WDFY4: variants seen among roughly 807,000 people sequenced by gnomAD.
WDFY4 encodes the protein WD repeat- and FYVE domain-containing protein 4.
Under a neutral mutation model 351.9 loss-of-function variants are expected in WDFY4, and 169 were observed. The ratio of observed to expected loss-of-function variants is 0.48; its 90% CI spans 0.42 to 0.55. The LOEUF (loss-of-function observed/expected upper bound fraction) is 0.55, where lower values mean the gene tolerates loss of function less well. Ranked by LOEUF, WDFY4 falls within the 20% of genes least tolerant of loss-of-function variation. The probability of loss-of-function intolerance (pLI) is 0.00; values close to 1 mark genes in which losing one functional copy is unlikely to be tolerated. For missense variants in WDFY4, 3,803 were observed against 3,935.6 expected (o/e 0.97, Z 0.90); for synonymous variants, 1,622 against 1,574.6 (o/e 1.03, Z -0.71).
chr10:48,812,272 C>T (rs1359483166), intron 30 of WDFY4, among the ~76,000 whole-genome samples: 6 of 149,016 alleles, frequency 4.0e-5, no homozygotes, highest in East Asian at 3.9e-4. Flanking sequence ...TCACTGCAAC[C>T]GCTGCTTTCT....
At chr10:48,758,961 G>T (rs1009690481) in intron 12 of WDFY4, among the ~76,000 whole-genome samples, 1 of 152,048 alleles carries the variant, frequency 6.6e-6, no homozygotes, top group Admixed American at 6.6e-5. Context: ...AGCAATTTCA[G>T]GTTGTATTCT....
At chr10:48,817,471 C>T (rs960278191) in intron 32 of WDFY4, 62 bp downstream of exon 32, 4 of 1,472,934 alleles carry the variant, frequency 2.7e-6, no homozygotes, top group Non-Finnish European at 3.6e-6. Flanking sequence ...CCTTCAAGGG[C>T]AAAGGGCAAA....
Position 48,826,881 on chromosome 10 carries a change from C to T in WDFY4, c.6193C>T (p.His2065Tyr), listed in dbSNP as rs1188792119. 1.9e-6 allele frequency: 3 copies of T among 1,551,716 alleles called. No individual in the cohort carries two copies. Among genetic ancestry groups the T allele is most frequent in the East Asian group, 2.4e-5 (1 of 40,924 alleles). Residue 2065 changes from histidine to tyrosine, a missense_variant, in exon 36 of 62, where the codon CAT becomes TAT. His to Tyr is a moderately conservative substitution (Grantham distance 83, BLOSUM62 2). Coordinates refer to ENST00000325239, the MANE Select transcript of WDFY4 (RefSeq NM_001394531.1). ...CATCAGCTTCCTCCTGTGTCTCATGCATTGCCTTTTGCTACTCAATGAGAG... is the reference window on the plus strand; with the variant it reads ...CATCAGCTTCCTCCTGTGTCTCATGTATTGCCTTTTGCTACTCAATGAGAG... ...SNISFLLCLMHCLLLLNERSY... is the reference protein window; with the variant it reads ...SNISFLLCLMYCLLLLNERSY...
intron 47 of WDFY4, among the ~76,000 whole-genome samples, chr10:48,914,907 G>T (rs561323112): frequency 2.0e-5 from 3 of 152,284 alleles, no homozygotes; most frequent in Admixed American, 2.0e-4. Flanking sequence ...GGAGAATGCT[G>T]CCTTTTCCAT....
At chr10:48,879,911 A>G (rs1302582029) in intron 43 of WDFY4, among the ~76,000 whole-genome samples, 1 of 151,836 alleles carries the variant, frequency 6.6e-6, no homozygotes, top group African/African-American at 2.4e-5. Flanking sequence ...TCTCTGACCA[A>G]CTCTGCTGCT....
At chr10:48,844,772 C>G (rs948068776) in intron 39 of WDFY4, among the ~76,000 whole-genome samples, 3 of 152,186 alleles carry the variant, frequency 2.0e-5, no homozygotes, top group Non-Finnish European at 2.9e-5. Context: ...AGGGATTCCT[C>G]AAGCCTAAGG....
At chr10:48,821,553 A>G in intron 34 of WDFY4, among the ~76,000 whole-genome samples, 1 of 152,238 alleles carries the variant, frequency 6.6e-6, no homozygotes, top group Non-Finnish European at 1.5e-5. Flanking sequence ...TGCACAGCTG[A>G]TGTTTCTTAA....
Position 48,806,003 on chromosome 10 carries a change from G to A in WDFY4, c.4647-1G>A. ...CTGTCCTTCTCTCCCTGTGTATAAA[G>A]GATTGGGCTGTTTGTTGTGTACACC... On this transcript the variant is annotated splice_acceptor_variant, in intron 26 of 61. Coordinates refer to ENST00000325239, the MANE Select transcript of WDFY4 (RefSeq NM_001394531.1). LOFTEE classifies it high-confidence loss of function. 1 of 1,551,666 alleles carries A rather than the reference G, an allele frequency of 6.4e-7. No homozygotes were observed. Among genetic ancestry groups the A allele is most frequent in the Non-Finnish European group, 8.7e-7 (1 of 1,146,962 alleles).
chr10:48,966,342 G>T (rs1842080834), intron 54 of WDFY4, among the ~76,000 whole-genome samples, 184 bp from the exon 55 acceptor site: 1 of 152,122 alleles, frequency 6.6e-6, no homozygotes, highest in African/African-American at 2.4e-5. Flanking sequence ...CCCTCTGTGA[G>T]CCCCAGGCCC....
chr10:48,764,775 G>A (rs546956699), intron 13 of WDFY4, among the ~76,000 whole-genome samples: 1 of 152,374 alleles, frequency 6.6e-6, no homozygotes, highest in South Asian at 2.1e-4. Context: ...GTGCCTTTGG[G>A]GATTCAGAGA....
intron 1 of WDFY4, among the ~76,000 whole-genome samples, chr10:48,693,446 G>A (rs1425389747): frequency 6.6e-6 from 1 of 152,192 alleles, no homozygotes; most frequent in Admixed American, 6.5e-5. Context: ...ACCCCTTTCT[G>A]TTCTATTCAG....
intron 24 of WDFY4, among the ~76,000 whole-genome samples, chr10:48,801,027 C>T (rs984185625): frequency 1.3e-5 from 2 of 152,114 alleles, no homozygotes; most frequent in African/African-American, 2.4e-5. Flanking sequence ...GCCACCATAC[C>T]CAGCCTCTGG....
chr10:48,871,987 TTATTATTATGGTAC>T (rs1345557891), intron 40 of WDFY4, among the ~76,000 whole-genome samples: 1 of 152,234 alleles, frequency 6.6e-6, no homozygotes, highest in Non-Finnish European at 1.5e-5. Flanking sequence ...AAGCCCGTGA[TTATTATTATGGTAC>T]TATTATTAAC....
chr10:48,978,314 G>A lies in WDFY4; in HGVS notation c.9297G>A (p.Trp3099Ter), dbSNP rs1842663345. Residue 3099 changes from tryptophan (W) to a stop codon, truncating the protein, a stop_gained, in exon 60 of 62, where the codon TGG (tryptophan) becomes TGA (stop). Transcript: ENST00000325239. LOFTEE classifies it high-confidence loss of function. ...CATTTGCTCTTTTGGGGCAGGTTTGGAAGACTGAGGATGTGAAGATGTCTG... is the reference window on the plus strand; with the variant it reads ...CATTTGCTCTTTTGGGGCAGGTTTGAAAGACTGAGGATGTGAAGATGTCTG... ...TGSQDGMVRVWKTEDVKMSVP... is the reference protein window; with the variant it reads ...TGSQDGMVRV 1 of 1,551,294 alleles carries A rather than the reference G, an allele frequency of 6.4e-7. No homozygotes were observed. Among genetic ancestry groups the A allele is most frequent in the Non-Finnish European group, 8.7e-7 (1 of 1,146,782 alleles).
At chr10:48,887,967 G>C (rs942837631) in intron 43 of WDFY4, among the ~76,000 whole-genome samples, 14 of 152,236 alleles carry the variant, frequency 9.2e-5, no homozygotes, top group African/African-American at 3.4e-4. Flanking sequence ...CTATTAATAA[G>C]AATTAGACAG....
chr10:48,873,187 T>A (rs2620882), intron 40 of WDFY4, among the ~76,000 whole-genome samples: 87,262 of 152,178 alleles, frequency 0.57, 26,621 homozygotes, highest in African/African-American at 0.79. Context: ...GCTGATGAGC[T>A]GCTACAGGAC....
chr10:48,933,946 A>G (rs1840190944), intron 47 of WDFY4, among the ~76,000 whole-genome samples: 1 of 152,114 alleles, frequency 6.6e-6, no homozygotes, highest in South Asian at 2.1e-4. Context: ...GGAGGCACCA[A>G]GCACCAGGCA....
intron 53 of WDFY4, among the ~76,000 whole-genome samples, chr10:48,963,327 T>C (rs1220068853): frequency 1.3e-5 from 2 of 152,176 alleles, no homozygotes; most frequent in Non-Finnish European, 2.9e-5. Flanking sequence ...CAATTGTTCA[T>C]TTTACAGATG....
chr10:48,729,515 G>T lies in WDFY4; in HGVS notation c.1055G>T (p.Arg352Met), dbSNP rs368609330. 2 of 1,551,616 alleles carry T rather than the reference G, an allele frequency of 1.3e-6. No individual in the cohort carries two copies. Among genetic ancestry groups the T allele is most frequent in the African/African-American group, 1.4e-5 (1 of 73,056 alleles). Residue 352 changes from arginine to methionine, a missense_variant, in exon 8 of 62, where the codon AGG (arginine) becomes ATG (methionine). Arg to Met is a moderately conservative substitution (Grantham distance 91, BLOSUM62 -1). Around this residue, in one of 3 missense-constraint regions of WDFY4, gnomAD observed 488 missense variants for 456.8 expected, o/e 1.07. Transcript: ENST00000325239. ...GLVVWLTTCG[R>M]SELKVFDSIT... The stretch of plus-strand genomic sequence containing the variant: ...GTGGTGTGGCTGACAACCTGTGGGA[G>T]GTCAGAGCTGAAGGTGTTTGACAGC...
Sources: allele counts gnomAD v4.1 joint callset (sites outside exome capture counted in the v4.1 genomes callset), GRCh38; gene constraint gnomAD v4.1.1; regional missense constraint gnomAD v4.1.1; transcripts MANE v1.5; gene names NCBI Gene and HGNC (gene_info 2026-07-23, HGNC 2026-07-21).